TSG101: variants seen among roughly 807,000 people sequenced by gnomAD.
The protein encoded by TSG101 is tumor susceptibility 101.
A neutral mutation model predicts 48.5 loss-of-function variants in TSG101; 19 were observed. The observed-to-expected ratio is 0.39, with a 90% CI of 0.27 to 0.58. TSG101 has a LOEUF of 0.58. Among genes scored for constraint, TSG101 ranks in the 20% least tolerant of loss-of-function variants. The probability of loss-of-function intolerance (pLI) is 0.55; values close to 1 mark genes in which losing one functional copy is unlikely to be tolerated. For missense variants in TSG101, 365 were observed against 484.4 expected (o/e 0.75, Z 2.31); for synonymous variants, 174 against 169.4 (o/e 1.03, Z -0.21).
intron 1 of TSG101, among the ~76,000 whole-genome samples, chr11:18,526,254 G>A (rs72871772): frequency 0.1 from 15,893 of 152,136 alleles, 810 homozygotes; most frequent in Middle Eastern, 0.13. Context: ...TCCCTGAAAT[G>A]GTAATGGTAT....
At chr11:18,507,385 G>C (rs1046832041) in intron 5 of TSG101, among the ~76,000 whole-genome samples, 3 of 152,160 alleles carry the variant, frequency 2.0e-5, no homozygotes, top group Non-Finnish European at 4.4e-5. Flanking sequence ...AAACTACTAT[G>C]AGAAGTCCTA....
intron 7 of TSG101, among the ~76,000 whole-genome samples, chr11:18,499,402 A>ATTTTTTTTTTT (rs1160424288): frequency 2.0e-3 from 11 of 5,458 alleles, no homozygotes; most frequent in Non-Finnish European, 3.5e-3. Context: ...ATATATATAT[A>ATTTTTTTTTTT]TTTTTTTTTT....
At chr11:18,497,336 G>A (rs897653392) in intron 7 of TSG101, among the ~76,000 whole-genome samples, 3 of 151,802 alleles carry the variant, frequency 2.0e-5, no homozygotes, top group Non-Finnish European at 2.9e-5. Context: ...AAGATCAAAG[G>A]GTAGAAAAAC....
At chr11:18,490,371 G>C in intron 7 of TSG101, 1 of 603,442 alleles carries the variant, frequency 1.7e-6, no homozygotes, top group Non-Finnish European at 3.2e-6. Flanking sequence ...TTCAGTAATT[G>C]CTTCATCAAA....
intron 4 of TSG101, among the ~76,000 whole-genome samples, 159 bp from the exon 5 acceptor site, chr11:18,509,824 T>G (rs1016424778): frequency 2.6e-5 from 4 of 152,226 alleles, no homozygotes; most frequent in Admixed American, 2.6e-4. Context: ...TTAATAGAGT[T>G]AAGTGGTTTT....
chr11:18,514,071 T>G (rs1022462053), intron 4 of TSG101, among the ~76,000 whole-genome samples: 1 of 148,912 alleles, frequency 6.7e-6, no homozygotes, highest in Non-Finnish European at 1.5e-5. Context: ...GGCAACAGAG[T>G]AAAACTCTGT....
At chr11:18,494,558 T>C (rs983835213) in intron 7 of TSG101, among the ~76,000 whole-genome samples, 2 of 152,238 alleles carry the variant, frequency 1.3e-5, no homozygotes, top group Non-Finnish European at 2.9e-5. Context: ...GTTATCATTA[T>C]TGCTTTGGCA....
rs753206887 is a variant in TSG101 at position 18,490,624 on chromosome 11, TG to T, written c.641-6553del. On this transcript the variant is annotated intron_variant, in intron 7 of 9. Coordinates refer to ENST00000251968, the MANE Select transcript of TSG101 (RefSeq NM_006292.4). ...TCTCCTTTCATTTTCAAATAGAAAATGGTTGTATAGAATTGAGAACAAGATA... is the reference window on the plus strand; with the variant it reads ...TCTCCTTTCATTTTCAAATAGAAAATGTTGTATAGAATTGAGAACAAGATA... 336 of 466,282 alleles carry T rather than the reference TG, an allele frequency of 7.2e-4. 1 individual carries two copies. The highest frequency in any genetic ancestry group is 1.2e-3 in the Non-Finnish European group (284 of 239,902). 28.9% of individuals were successfully genotyped at this position (466,282 alleles called of 1,614,324 possible).
In TSG101 at chr11:18,500,873, A is replaced by G. The variant is rs189811785; in HGVS notation, c.640+1613T>C. Among the ~76,000 whole-genome samples the G allele has an allele frequency of 1.4e-3, 211 of 151,656 alleles. 1 individual carries two copies. The highest frequency in any genetic ancestry group is 4.6e-3 in the African/African-American group (192 of 41,372). ...GGGTGGAGTGCAGTGGTGCGATCTC[A>G]GCTCACTGCAACCTCCACCTCCCAG... On this transcript the variant is annotated intron_variant, in intron 7 of 9. Coordinates refer to ENST00000251968, the MANE Select transcript of TSG101 (RefSeq NM_006292.4).
intron 8 of TSG101, 34 bp from the exon 9 acceptor site, chr11:18,481,903 T>C: frequency 6.2e-7 from 1 of 1,602,994 alleles, no homozygotes; most frequent in Non-Finnish European, 8.5e-7. Flanking sequence ...TTAATAACTG[T>C]ACATAATTAT....
At chr11:18,520,789 T>C (rs1174127104) in intron 1 of TSG101, among the ~76,000 whole-genome samples, 3 of 152,128 alleles carry the variant, frequency 2.0e-5, no homozygotes, top group Non-Finnish European at 4.4e-5. Context: ...TCCTAGCATT[T>C]TGGGAGGCCG....
intron 2 of TSG101, among the ~76,000 whole-genome samples, chr11:18,518,773 T>C (rs1298630282): frequency 6.6e-6 from 1 of 152,016 alleles, no homozygotes; most frequent in Non-Finnish European, 1.5e-5. Flanking sequence ...TTCTTGCTCG[T>C]CTCGGTGATA....
At chr11:18,507,304 T>TATTTCTTTTATAACTATGGC (rs1849990455) in intron 5 of TSG101, among the ~76,000 whole-genome samples, 1 of 152,230 alleles carries the variant, frequency 6.6e-6, no homozygotes, top group Non-Finnish European at 1.5e-5. Context: ...AATCTTTTGA[T>TATTTCTTTTATAACTATGGC]ATTTCTTTTA....
intron 7 of TSG101, among the ~76,000 whole-genome samples, chr11:18,485,064 G>A (rs1294432706): frequency 1.4e-5 from 2 of 147,076 alleles, no homozygotes; most frequent in Non-Finnish European, 3.0e-5. Flanking sequence ...TCAGCCTCCC[G>A]AGTAGCTGGG....
chr11:18,526,703 C>T (rs1850381049), intron 1 of TSG101, 72 bp downstream of exon 1: 1 of 1,549,200 alleles, frequency 6.5e-7, no homozygotes, highest in Non-Finnish European at 8.7e-7. Context: ...TTGGCTGGGC[C>T]GGGACGGACT....
At chr11:18,503,099 T>C (rs1849914679) in intron 6 of TSG101, among the ~76,000 whole-genome samples, 3 of 152,216 alleles carry the variant, frequency 2.0e-5, no homozygotes, top group Admixed American at 2.0e-4. Context: ...CTGTCATTCA[T>C]GTATTCGTAT....
chr11:18,516,801 C>T (rs1287121053), intron 2 of TSG101, among the ~76,000 whole-genome samples: 4 of 151,126 alleles, frequency 2.6e-5, no homozygotes, highest in East Asian at 2.1e-4. Context: ...ATTAGCTGGG[C>T]GTGGTGGCAC....
In TSG101 at chr11:18,480,532, T is replaced by A. The variant is rs901408975; in HGVS notation, c.*14A>T. 6.2e-7 allele frequency: 1 copy of A among 1,607,774 alleles called. No homozygotes were observed. The highest frequency in any genetic ancestry group is 1.3e-5 in the African/African-American group (1 of 74,956). On this transcript the variant is annotated 3_prime_UTR_variant, in exon 10 of 10. Transcript: ENST00000251968. ...CTTTAAGAAGAGCTCAACCTCCAGC[T>A]GGTATCAGAGAAGTCAGTAGAGGTC...
chr11:18,523,960 T>C (rs878887994), intron 1 of TSG101, among the ~76,000 whole-genome samples: 1 of 152,160 alleles, frequency 6.6e-6, no homozygotes, highest in Non-Finnish European at 1.5e-5. Context: ...CTGGCTGATT[T>C]TTAAATTTTC....
Sources: allele counts gnomAD v4.1 joint callset (sites outside exome capture counted in the v4.1 genomes callset), GRCh38; gene constraint gnomAD v4.1.1; transcripts MANE v1.5; gene names NCBI Gene and HGNC (gene_info 2026-07-23, HGNC 2026-07-21).